Variants in ADARB2 observed in about 807,000 individuals in gnomAD.
ADARB2 encodes the protein adenosine deaminase RNA specific B2 (inactive).
ADARB2 carries 25 observed loss-of-function variants against 62.2 expected under a neutral mutation model. The ratio of observed to expected loss-of-function variants is 0.40; its 90% CI spans 0.29 to 0.56. The LOEUF is 0.56. ADARB2 is among the 20% of genes least tolerant of loss of function. The pLI, the probability that ADARB2 is intolerant of heterozygous loss-of-function variation, is 0.43. For missense variants in ADARB2, 1,071 were observed against 1,077.4 expected, an observed-to-expected ratio of 0.99 and a Z score of 0.08; for synonymous variants, 572 against 500.8, an observed-to-expected ratio of 1.14 and a Z score of -1.90.
rs570971762 is a variant in ADARB2, at chr10:1,716,976, A to G, written c.100+20075T>C. The stretch of plus-strand genomic sequence containing the variant: ...GGCACTCCTAAAATTCCTAGAGAGC[A>G]TTAGAGAGCATGCTTCATTGCACAC... On this transcript the variant is annotated intron_variant, in intron 1 of 9. Coordinates refer to ENST00000381312, the MANE Select transcript of ADARB2 (RefSeq NM_018702.4). Among the ~76,000 whole-genome samples the G allele has an allele frequency of 2.4e-4, 36 of 152,268 alleles. 1 individual carries two copies. The South Asian group carries it at 5.4e-3, about 23-fold the overall frequency.
At chr10:1,534,137 G>GTTT (rs11431049) in intron 1 of ADARB2, among the ~76,000 whole-genome samples, 5 of 137,054 alleles carry the variant, frequency 3.6e-5, no homozygotes, top group South Asian at 2.4e-4. Context: ...CATTGAAATA[G>GTTT]TTTTTTTTTT....
chr10:1,591,877 T>A (rs1833261015), intron 1 of ADARB2, among the ~76,000 whole-genome samples: 1 of 152,226 alleles, frequency 6.6e-6, no homozygotes, highest in South Asian at 2.1e-4. Context: ...TAAATTATTA[T>A]AATGAAAGAA....
intron 3 of ADARB2, among the ~76,000 whole-genome samples, chr10:1,354,071 C>G (rs370935753): frequency 6.6e-6 from 1 of 152,144 alleles, no homozygotes; most frequent in Non-Finnish European, 1.5e-5. Flanking sequence ...CTCTCCCACT[C>G]TAGGTTTCCA....
intron 6 of ADARB2, among the ~76,000 whole-genome samples, chr10:1,232,511 ATGTGCTGTG>A (rs1387333799): frequency 1.3e-5 from 2 of 148,500 alleles, no homozygotes; most frequent in African/African-American, 5.0e-5. Context: ...TGTATGTGGT[ATGTGCTGTG>A]TGTGATGTGT....
At chr10:1,416,686 C>G (rs536215462) in intron 1 of ADARB2, among the ~76,000 whole-genome samples, 1 of 152,258 alleles carries the variant, frequency 6.6e-6, no homozygotes. Flanking sequence ...TCCATCACCA[C>G]CCTTGTGGGG....
chr10:1,519,690 G>A (rs1490928931), intron 1 of ADARB2, among the ~76,000 whole-genome samples: 4 of 152,150 alleles, frequency 2.6e-5, no homozygotes, highest in Non-Finnish European at 4.4e-5. Context: ...ACATGAAAAA[G>A]TCATTCCACT....
intron 1 of ADARB2, among the ~76,000 whole-genome samples, chr10:1,409,973 A>G (rs867797219): frequency 4.1e-3 from 41 of 10,040 alleles, no homozygotes; most frequent in Non-Finnish European, 7.5e-3. Flanking sequence ...CTGTGGTCAT[A>G]GGGAAGGATT....
Position 1,721,745 on chromosome 10 carries a change from A to G in ADARB2, c.100+15306T>C, listed in dbSNP as rs895865896. On this transcript the variant is annotated intron_variant, in intron 1 of 9. Coordinates refer to ENST00000381312, the MANE Select transcript of ADARB2 (RefSeq NM_018702.4). ...GTGTCTGTTCTGGACTGAGCTCTGG[A>G]TCTCAGGGACACAGCATTTGTGCTT... 2.0e-5 allele frequency among the ~76,000 whole-genome samples: 3 copies of G among 152,134 alleles called. No homozygotes were observed. The South Asian group carries it at 6.2e-4, about 32-fold the overall frequency.
At chr10:1,609,512 C>G (rs1298947062) in intron 1 of ADARB2, among the ~76,000 whole-genome samples, 1 of 152,260 alleles carries the variant, frequency 6.6e-6, no homozygotes. Context: ...CTGCATGCAT[C>G]CAACAGCTGC....
At chr10:1,224,306 C>T (rs909765247) in intron 6 of ADARB2, among the ~76,000 whole-genome samples, 1 of 151,930 alleles carries the variant, frequency 6.6e-6, no homozygotes, top group Non-Finnish European at 1.5e-5. Flanking sequence ...CTCTTTGATT[C>T]TTCTCTCTTT....
intron 1 of ADARB2, among the ~76,000 whole-genome samples, chr10:1,705,799 C>G (rs375493835): frequency 6.6e-6 from 1 of 152,166 alleles, no homozygotes; most frequent in African/African-American, 2.4e-5. Flanking sequence ...TGGATAATGA[C>G]TCACAGGGAC....
intron 1 of ADARB2, chr10:1,675,520 G>A: frequency 1.0e-6 from 1 of 969,828 alleles, no homozygotes; most frequent in South Asian, 4.8e-5. Context: ...GGGGATGCGT[G>A]GATGTTCAGG....
chr10:1,396,693 C>T (rs1302471638), intron 1 of ADARB2, among the ~76,000 whole-genome samples: 6 of 139,698 alleles, frequency 4.3e-5, no homozygotes, highest in African/African-American at 2.7e-5. Context: ...GGTCACCGTC[C>T]GTCTCTCCCC....
chr10:1,518,323 A>G (rs1832032001), intron 1 of ADARB2, among the ~76,000 whole-genome samples: 2 of 152,188 alleles, frequency 1.3e-5, no homozygotes, highest in Admixed American at 1.3e-4. Context: ...TTCCCACACA[A>G]GCGATGACTT....
At chr10:1,584,683 C>A (rs1250335386) in intron 1 of ADARB2, among the ~76,000 whole-genome samples, 2 of 152,188 alleles carry the variant, frequency 1.3e-5, no homozygotes, top group African/African-American at 4.8e-5. Context: ...AAACTTGGAG[C>A]GACCAAGAGG....
At chr10:1,372,295 C>T (rs1832379371) in intron 2 of ADARB2, among the ~76,000 whole-genome samples, 1 of 141,188 alleles carries the variant, frequency 7.1e-6, no homozygotes, top group East Asian at 2.0e-4. Context: ...AAACAACAGA[C>T]ACTGAGGACT....
chr10:1,378,518 G>A (rs1832454092), intron 2 of ADARB2, among the ~76,000 whole-genome samples: 3 of 152,192 alleles, frequency 2.0e-5, no homozygotes, highest in Admixed American at 2.0e-4. Flanking sequence ...GGTAAGGAAG[G>A]GATGCCAGGT....
At chr10:1,338,310 C>T (rs532902363) in intron 3 of ADARB2, among the ~76,000 whole-genome samples, 1 of 152,322 alleles carries the variant, frequency 6.6e-6, no homozygotes, top group East Asian at 1.9e-4. Context: ...TGTCTTGGGC[C>T]GCACAGTTTC....
At chr10:1,321,110 G>A (rs1831790561) in intron 3 of ADARB2, among the ~76,000 whole-genome samples, 1 of 152,176 alleles carries the variant, frequency 6.6e-6, no homozygotes, top group Admixed American at 6.5e-5. Flanking sequence ...TTAAAAACCA[G>A]TATAAATAAT....
Sources: gnomAD v4.1 joint callset for allele counts (sites outside exome capture counted in the v4.1 genomes callset) on GRCh38, gnomAD v4.1.1 for gene constraint, MANE v1.5 for transcripts, NCBI Gene and HGNC (gene_info 2026-07-23, HGNC 2026-07-21) for gene names.